GLIS1: variants seen among roughly 807,000 people sequenced by gnomAD.
The protein encoded by GLIS1 is GLIS family zinc finger 1.
In GLIS1, 24 loss-of-function variants were observed where a neutral mutation model predicts 63.8. That is an observed-to-expected ratio of 0.38 (90% confidence interval 0.27 to 0.53). The LOEUF is 0.53. Among genes scored for constraint, GLIS1 ranks in the 20% least tolerant of loss-of-function variants. The probability of loss-of-function intolerance (pLI) is 0.85; values close to 1 mark genes in which losing one functional copy is unlikely to be tolerated. For synonymous variants in GLIS1, 450 were observed against 482.5 expected, an observed-to-expected ratio of 0.93 and a Z score of 0.88; for missense variants, 1,036 against 1,074.1, an observed-to-expected ratio of 0.96 and a Z score of 0.50.
chr1:53,728,897 C>T (rs1243917613), intron 2 of GLIS1, among the ~76,000 whole-genome samples: 1 of 152,220 alleles, frequency 6.6e-6, no homozygotes, highest in Non-Finnish European at 1.5e-5. Context: ...AGCTGGCTGT[C>T]AATCTACATG....
chr1:53,605,127 G>C (rs958569726), intron 2 of GLIS1, among the ~76,000 whole-genome samples: 4 of 152,016 alleles, frequency 2.6e-5, no homozygotes, highest in African/African-American at 9.7e-5. Context: ...CTGTAAAATG[G>C]GGAGGATTTT....
chr1:53,594,513 A>AT lies in GLIS1; in HGVS notation c.914dup (p.His305GlnfsTer2). 1 of 1,612,676 alleles carries AT rather than the reference A, an allele frequency of 6.2e-7. No individual in the cohort carries two copies. The highest frequency in any genetic ancestry group is 1.3e-5 in the African/African-American group (1 of 75,064). ...AGGCTTCAAGTTGCAAGCTGCCCTC[A>AT]TGGCTGTCCGTCGATGCAGGGCCAG... On this transcript the variant is annotated frameshift_variant, in exon 4 of 11. Transcript: ENST00000628545. LOFTEE classifies it high-confidence loss of function.
intron 4 of GLIS1, among the ~76,000 whole-genome samples, chr1:53,585,168 C>T (rs979796490): frequency 3.7e-4 from 56 of 152,076 alleles, no homozygotes; most frequent in African/African-American, 1.2e-3. Flanking sequence ...ATTTGGTGCT[C>T]CTGGGAATTC....
At chr1:53,678,806 G>C (rs970869542) in intron 2 of GLIS1, among the ~76,000 whole-genome samples, 1 of 152,210 alleles carries the variant, frequency 6.6e-6, no homozygotes, top group Non-Finnish European at 1.5e-5. Context: ...TCTGACCTCA[G>C]TCTCCTTAAC....
At chr1:53,619,339 C>T (rs1314850449) in intron 2 of GLIS1, among the ~76,000 whole-genome samples, 2 of 152,206 alleles carry the variant, frequency 1.3e-5, no homozygotes, top group African/African-American at 4.8e-5. Flanking sequence ...GAGGTGCACA[C>T]CTGCCTTCCC....
intron 2 of GLIS1, among the ~76,000 whole-genome samples, chr1:53,736,472 G>T (rs923963935): frequency 6.6e-6 from 1 of 152,150 alleles, no homozygotes; most frequent in African/African-American, 2.4e-5. Flanking sequence ...GATTGTGTAT[G>T]GAGCGGGGCA....
intron 4 of GLIS1, among the ~76,000 whole-genome samples, chr1:53,575,515 G>T (rs959220589): frequency 6.6e-6 from 1 of 152,096 alleles, no homozygotes. Flanking sequence ...CTCCCCACAC[G>T]GGGCCCTAGT....
At chr1:53,711,753 T>A (rs1161987858) in intron 2 of GLIS1, among the ~76,000 whole-genome samples, 1 of 152,256 alleles carries the variant, frequency 6.6e-6, no homozygotes, top group Non-Finnish European at 1.5e-5. Flanking sequence ...GCAGTCATTG[T>A]TATCAGTTAA....
In GLIS1 at chr1:53,592,039, G is replaced by A. The variant is rs184156513; in HGVS notation, c.1320+2069C>T. Among the ~76,000 whole-genome samples, 399 of 152,278 alleles carry A rather than the reference G, an allele frequency of 2.6e-3. 1 individual carries two copies. The highest frequency in any genetic ancestry group is 4.7e-3 in the Non-Finnish European group (322 of 68,020). On this transcript the variant is annotated intron_variant, in intron 4 of 10. Transcript: ENST00000628545. The stretch of plus-strand genomic sequence containing the variant: ...CCATCTCTGAGCATGAGTGTCCCCA[G>A]GGCAAGGGCCATGGGAGGTCCAGGT...
intron 2 of GLIS1, among the ~76,000 whole-genome samples, chr1:53,612,713 G>T (rs1009783069): frequency 6.6e-6 from 1 of 152,146 alleles, no homozygotes. Context: ...ATTGGCTAAT[G>T]CCTGAAAGGA....
At chr1:53,536,168 G>T (rs1644579803) in intron 4 of GLIS1, among the ~76,000 whole-genome samples, 1 of 152,032 alleles carries the variant, frequency 6.6e-6, no homozygotes, top group African/African-American at 2.4e-5. Context: ...TCTGTCGAGG[G>T]TGGATTTGAG....
chr1:53,640,646 T>C (rs918526536), intron 2 of GLIS1, among the ~76,000 whole-genome samples: 1 of 152,104 alleles, frequency 6.6e-6, no homozygotes, highest in Admixed American at 6.6e-5. Flanking sequence ...CCTCCACTCC[T>C]CCCCAGAGCC....
intron 4 of GLIS1, among the ~76,000 whole-genome samples, chr1:53,550,075 C>G (rs1557444737): frequency 6.6e-6 from 1 of 152,224 alleles, no homozygotes; most frequent in Non-Finnish European, 1.5e-5. Flanking sequence ...CCAGGTTCAG[C>G]CCAGCTCATG....
At chr1:53,603,536 G>A (rs758213233) in intron 2 of GLIS1, among the ~76,000 whole-genome samples, 14 of 152,330 alleles carry the variant, frequency 9.2e-5, no homozygotes, top group South Asian at 6.2e-4. Flanking sequence ...TGTCTGCCAG[G>A]AAAGATGTAG....
chr1:53,662,179 T>A (rs1379345672), intron 2 of GLIS1, among the ~76,000 whole-genome samples: 1 of 152,216 alleles, frequency 6.6e-6, no homozygotes, highest in Non-Finnish European at 1.5e-5. Context: ...TCTTGGGGCC[T>A]CAGACGTTCA....
At chr1:53,738,448 C>A (rs1385812357) in intron 1 of GLIS1, among the ~76,000 whole-genome samples, 1 of 152,168 alleles carries the variant, frequency 6.6e-6, no homozygotes, top group Non-Finnish European at 1.5e-5. Context: ...GCGCCTGTTC[C>A]GCGTCCCCCA....
intron 4 of GLIS1, among the ~76,000 whole-genome samples, chr1:53,534,922 G>A (rs1251042456): frequency 6.6e-6 from 1 of 152,168 alleles, no homozygotes; most frequent in South Asian, 2.1e-4. Context: ...CAGAGGCTGG[G>A]GAGCTACAAA....
chr1:53,590,961 C>T (rs988689071), intron 4 of GLIS1, among the ~76,000 whole-genome samples: 3 of 151,780 alleles, frequency 2.0e-5, no homozygotes, highest in Admixed American at 6.6e-5. Flanking sequence ...AAGCCAGCTG[C>T]GAGAATGGGA....
intron 2 of GLIS1, among the ~76,000 whole-genome samples, chr1:53,732,523 C>A: frequency 6.7e-6 from 1 of 149,528 alleles, no homozygotes; most frequent in Non-Finnish European, 1.5e-5. Flanking sequence ...TGCTGATAAA[C>A]AAGAAGTCCG....
Sources: gnomAD v4.1 joint callset for allele counts (sites outside exome capture counted in the v4.1 genomes callset) on GRCh38, gnomAD v4.1.1 for gene constraint, MANE v1.5 for transcripts, NCBI Gene and HGNC (gene_info 2026-07-23, HGNC 2026-07-21) for gene names.